SCN8A: variants seen among roughly 807,000 people sequenced by gnomAD.
The protein encoded by SCN8A is sodium channel protein type 8 subunit alpha.
Under a neutral mutation model 184.1 loss-of-function variants are expected in SCN8A, and 30 were observed. The ratio of observed to expected loss-of-function variants is 0.16; its 90% CI spans 0.12 to 0.22. SCN8A has a LOEUF of 0.22. Among genes scored for constraint, SCN8A ranks in the 10% least tolerant of loss-of-function variants. The pLI is 1.00. For missense variants in SCN8A, 1,057 were observed against 2,498.9 expected (o/e 0.42, Z 12.30); for synonymous variants, 852 against 907.0 (o/e 0.94, Z 1.09).
intron 19 of SCN8A, among the ~76,000 whole-genome samples, chr12:51,772,766 G>T (rs1942946829): frequency 6.7e-6 from 1 of 149,170 alleles, no homozygotes. Context: ...GAATCACGAA[G>T]TCAGGAGATT....
intron 1 of SCN8A, among the ~76,000 whole-genome samples, chr12:51,632,140 A>T (rs956272343): frequency 5.3e-5 from 8 of 152,324 alleles, no homozygotes; most frequent in African/African-American, 1.7e-4. Flanking sequence ...AACTTACCAT[A>T]GCCTCCACTG....
intron 3 of SCN8A, 26 bp from the exon 4 acceptor site, chr12:51,686,342 A>G: frequency 1.4e-6 from 2 of 1,464,882 alleles, no homozygotes; most frequent in Non-Finnish European, 1.9e-6. Flanking sequence ...GCCAGATTTT[A>G]ATATTGCCCC....
At position 51,778,265 on chromosome 12, in the gene SCN8A, A is replaced by G. The variant is rs186666517; in HGVS notation, c.3820-2384A>G. Among the ~76,000 whole-genome samples, 333 of 152,102 alleles carry G rather than the reference A, an allele frequency of 2.2e-3. 1 individual carries two copies. The highest frequency in any genetic ancestry group is 3.2e-3 in the Non-Finnish European group (215 of 68,006). Reference sequence around the variant, plus strand: ...TGAGCACATGCATAGATCAAGGTCCATATCCCTTTTTATTTTATTTATTTA... The same window carrying G: ...TGAGCACATGCATAGATCAAGGTCCGTATCCCTTTTTATTTTATTTATTTA... On this transcript the variant is annotated intron_variant, in intron 20 of 26. Coordinates refer to ENST00000627620, the MANE Select transcript of SCN8A (RefSeq NM_001330260.2).
intron 5 of SCN8A, 117 bp downstream of exon 5, chr12:51,687,336 A>T: frequency 8.3e-7 from 1 of 1,198,732 alleles, no homozygotes; most frequent in Non-Finnish European, 1.2e-6. Context: ...GAATTAATGG[A>T]TAACCATGTA....
intron 2 of SCN8A, among the ~76,000 whole-genome samples, chr12:51,672,099 G>T (rs1415589450): frequency 6.6e-6 from 1 of 151,834 alleles, no homozygotes; most frequent in Non-Finnish European, 1.5e-5. Context: ...TCTCATATAG[G>T]TTCCTTTCCC....
At chr12:51,782,932 TTTG>T (rs1234062721) in intron 21 of SCN8A, among the ~76,000 whole-genome samples, 2 of 152,242 alleles carry the variant, frequency 1.3e-5, no homozygotes, top group African/African-American at 4.8e-5. Context: ...GATAATTTTA[TTTG>T]AAAAGCATTA....
chr12:51,797,204 G>A (rs150842294), intron 26 of SCN8A, among the ~76,000 whole-genome samples: 99 of 152,122 alleles, frequency 6.5e-4, no homozygotes, highest in East Asian at 5.4e-3. Context: ...TCCTAATTAC[G>A]CCTAACATAA....
At chr12:51,786,426 G>T (rs192818061) in intron 21 of SCN8A, 116 bp from the exon 22 acceptor site, 2 of 1,148,954 alleles carry the variant, frequency 1.7e-6, no homozygotes, top group Admixed American at 2.4e-5. Flanking sequence ...ATTCCAAAGG[G>T]AATGTAATGT....
intron 2 of SCN8A, among the ~76,000 whole-genome samples, chr12:51,671,106 G>T (rs1380622657): frequency 6.6e-6 from 1 of 152,070 alleles, no homozygotes; most frequent in Non-Finnish European, 1.5e-5. Context: ...AAGATTATAT[G>T]GTCTCTCAAA....
At chr12:51,732,801 T>G (rs1942264369) in intron 12 of SCN8A, among the ~76,000 whole-genome samples, 1 of 152,174 alleles carries the variant, frequency 6.6e-6, no homozygotes, top group East Asian at 1.9e-4. Flanking sequence ...TTACTAGGTA[T>G]TTAATTTTAT....
At position 51,808,856 on chromosome 12, in the gene SCN8A, A is replaced by G. The variant is rs1223324909; in HGVS notation, c.*1427A>G. 6.6e-6 allele frequency: 1 copy of G among 152,236 alleles called. No homozygotes were observed. The highest frequency in any genetic ancestry group is 6.5e-5 in the Admixed American group (1 of 15,284). 9.4% of individuals were successfully genotyped at this position (152,236 alleles called of 1,614,324 possible). On this transcript the variant is annotated 3_prime_UTR_variant, in exon 27 of 27. Coordinates refer to ENST00000627620, the MANE Select transcript of SCN8A (RefSeq NM_001330260.2). ...CCTCCATCACATTTCTCCACTGAGC[A>G]GGGCTTCCCTTGCCCACAGAGGTGG...
At chr12:51,614,275 C>A (rs1939785002) in intron 1 of SCN8A, among the ~76,000 whole-genome samples, 1 of 152,052 alleles carries the variant, frequency 6.6e-6, no homozygotes, top group South Asian at 2.1e-4. Flanking sequence ...TTGTTAGTTA[C>A]ATACACATTT....
At chr12:51,662,426 C>CTAATAATTA (rs1475512858) in intron 1 of SCN8A, among the ~76,000 whole-genome samples, 1 of 152,044 alleles carries the variant, frequency 6.6e-6, no homozygotes, top group African/African-American at 2.4e-5. Flanking sequence ...CTAATATATG[C>CTAATAATTA]CCCTGGGTAA....
intron 3 of SCN8A, among the ~76,000 whole-genome samples, chr12:51,686,012 T>C (rs928851980): frequency 1.3e-5 from 2 of 152,236 alleles, no homozygotes; most frequent in African/African-American, 4.8e-5. Flanking sequence ...CTGACAACTT[T>C]GGTTGAGAAA....
chr12:51,712,594 A>G (rs1367162638), intron 11 of SCN8A: 7 of 777,778 alleles, frequency 9.0e-6, no homozygotes, highest in Non-Finnish European at 1.6e-5. Flanking sequence ...GTTGTCCACT[A>G]TAATTTCTAA....
chr12:51,613,691 A>G (rs907154057), intron 1 of SCN8A, among the ~76,000 whole-genome samples: 1 of 151,308 alleles, frequency 6.6e-6, no homozygotes, highest in Non-Finnish European at 1.5e-5. Flanking sequence ...TTGATTTGAG[A>G]CCTTTCTTCT....
intron 26 of SCN8A, among the ~76,000 whole-genome samples, chr12:51,795,470 A>C (rs1833860627): frequency 6.6e-6 from 1 of 152,200 alleles, no homozygotes; most frequent in South Asian, 2.1e-4. Context: ...AGAGTGCTCG[A>C]GACCCATGGG....
At chr12:51,750,320 C>T (rs1298653258) in intron 13 of SCN8A, among the ~76,000 whole-genome samples, 1 of 151,040 alleles carries the variant, frequency 6.6e-6, no homozygotes, top group Non-Finnish European at 1.5e-5. Flanking sequence ...CTAAAAGAGA[C>T]GGAGAAGATA....
intron 11 of SCN8A, among the ~76,000 whole-genome samples, chr12:51,709,326 A>T (rs1941834800): frequency 6.6e-6 from 1 of 152,160 alleles, no homozygotes; most frequent in South Asian, 2.1e-4. Context: ...TGTGGAGATT[A>T]CTCAAAGAGA....
Sources: gnomAD v4.1 joint callset for allele counts (sites outside exome capture counted in the v4.1 genomes callset) on GRCh38, gnomAD v4.1.1 for gene constraint, MANE v1.5 for transcripts, NCBI Gene and HGNC (gene_info 2026-07-23, HGNC 2026-07-21) for gene names.